Variants in SORCS2 observed in about 807,000 individuals in gnomAD.
The protein encoded by SORCS2 is sortilin related VPS10 domain containing receptor 2, also known as VPS10 domain-containing receptor SorCS2.
In SORCS2, 100 loss-of-function variants were observed where a neutral mutation model predicts 141.6. The observed-to-expected ratio is 0.71, with a 90% CI of 0.60 to 0.83. The LOEUF is 0.83. Among genes scored for constraint, SORCS2 ranks in the 40% least tolerant of loss-of-function variants. SORCS2 has a pLI of 0.00. For missense variants in SORCS2, 1,646 were observed against 1,560.2 expected, an observed-to-expected ratio of 1.05 and a Z score of -0.93; for synonymous variants, 789 against 676.9, an observed-to-expected ratio of 1.17 and a Z score of -2.57.
chr4:7,435,395 G>A (rs1727233203), intron 2 of SORCS2, among the ~76,000 whole-genome samples: 1 of 152,206 alleles, frequency 6.6e-6, no homozygotes, highest in Non-Finnish European at 1.5e-5. Context: ...CCACCCCCTG[G>A]ATGCCACTGT....
chr4:7,393,680 CG>C (rs985909460), intron 1 of SORCS2, among the ~76,000 whole-genome samples: 2 of 151,982 alleles, frequency 1.3e-5, no homozygotes, highest in Admixed American at 6.5e-5. Context: ...TGGGGCATTG[CG>C]GGGGTTGCTG....
chr4:7,227,246 T>C (rs1729043651), intron 1 of SORCS2, among the ~76,000 whole-genome samples: 1 of 152,190 alleles, frequency 6.6e-6, no homozygotes, highest in Admixed American at 6.5e-5. Flanking sequence ...GGCTCCAGCC[T>C]GGCTCCACAC....
At chr4:7,430,200 G>A (rs1726735592) in intron 2 of SORCS2, 1 of 151,882 alleles carries the variant, frequency 6.6e-6, no homozygotes, top group African/African-American at 2.4e-5. Flanking sequence ...GAAGGTGGCT[G>A]TCCCCACGGA....
chr4:7,619,395 C>G (rs1718994912), intron 3 of SORCS2, among the ~76,000 whole-genome samples: 1 of 152,172 alleles, frequency 6.6e-6, no homozygotes, highest in South Asian at 2.1e-4. Context: ...TTCTGGAAGT[C>G]TGGGAGCGTG....
chr4:7,561,597 T>TACCC (rs1560387457), intron 3 of SORCS2, among the ~76,000 whole-genome samples: 4 of 142,168 alleles, frequency 2.8e-5, no homozygotes, highest in African/African-American at 1.1e-4. Flanking sequence ...TTCATCCATC[T>TACCC]ATCCATCTAT....
intron 1 of SORCS2, among the ~76,000 whole-genome samples, chr4:7,228,581 A>T (rs1003862172): frequency 6.6e-6 from 1 of 152,240 alleles, no homozygotes; most frequent in Admixed American, 6.5e-5. Flanking sequence ...TGCAGAGGAC[A>T]TGGACTTGGC....
rs1712697350 is a variant in SORCS2, at chr4:7,741,753, G to C, written c.*1489G>C. Reference sequence around the variant, plus strand: ...GGCTGGTGACATGCTGGCTGGGGGTGAATCCGAATGACAGTGCAGACGTTC... The same window carrying C: ...GGCTGGTGACATGCTGGCTGGGGGTCAATCCGAATGACAGTGCAGACGTTC... On this transcript the variant is annotated 3_prime_UTR_variant, in exon 27 of 27. Transcript: ENST00000507866. 1 of 154,892 alleles carries C rather than the reference G, an allele frequency of 6.5e-6. No homozygotes were observed. Among genetic ancestry groups the C allele is most frequent in the African/African-American group, 2.4e-5 (1 of 41,550 alleles). The allele number at this position is 154,892 out of a possible 1,614,324, so 9.6% of individuals were successfully genotyped here. A position where few individuals can be genotyped will look rare whatever the true frequency, so the allele number is the denominator to read the frequency against.
At chr4:7,255,196 G>C (rs1034805306) in intron 1 of SORCS2, among the ~76,000 whole-genome samples, 7 of 152,126 alleles carry the variant, frequency 4.6e-5, no homozygotes, top group African/African-American at 1.7e-4. Flanking sequence ...GGAGGTGACA[G>C]TCCCATGCAG....
In SORCS2 at chr4:7,480,451, A is replaced by G. The variant is rs538536766; in HGVS notation, c.549-51079A>G. ...AAATACAGCCCGGGGGGTTGGAGGA[A>G]CCTGACCCACTGCAGGTGGGAGACC... is the stretch of plus-strand genomic sequence containing the variant. On this transcript the variant is annotated intron_variant, in intron 2 of 26. Coordinates refer to ENST00000507866, the MANE Select transcript of SORCS2 (RefSeq NM_020777.3). Among the ~76,000 whole-genome samples the G allele has an allele frequency of 2.0e-4, 31 of 152,288 alleles. 1 individual carries two copies. In the South Asian group the frequency reaches 5.4e-3, roughly 26 times the overall value.
intron 3 of SORCS2, among the ~76,000 whole-genome samples, chr4:7,569,292 C>A (rs941065694): frequency 2.6e-5 from 4 of 152,166 alleles, no homozygotes; most frequent in African/African-American, 9.7e-5. Flanking sequence ...GTGGGCAGAT[C>A]ACAAGGTCAG....
chr4:7,554,742 G>A (rs975776330), intron 3 of SORCS2, among the ~76,000 whole-genome samples: 4 of 152,198 alleles, frequency 2.6e-5, no homozygotes, highest in Non-Finnish European at 4.4e-5. Context: ...GAGCCCCGAG[G>A]AAGAACATCC....
chr4:7,335,471 C>G (rs1719923828), intron 1 of SORCS2, among the ~76,000 whole-genome samples: 1 of 152,206 alleles, frequency 6.6e-6, no homozygotes, highest in African/African-American at 2.4e-5. Flanking sequence ...CGCTGCCTTC[C>G]CAGGACGCCT....
chr4:7,588,177 G>A (rs80043807), intron 3 of SORCS2, among the ~76,000 whole-genome samples: 57 of 152,286 alleles, frequency 3.7e-4, no homozygotes, highest in African/African-American at 1.3e-3. Context: ...TTCTGCGGTC[G>A]GCAAATCCTT....
intron 2 of SORCS2, among the ~76,000 whole-genome samples, chr4:7,480,436 CGGG>C (rs36025445): frequency 6.6e-6 from 1 of 152,104 alleles, no homozygotes; most frequent in Admixed American, 6.5e-5. Context: ...AAATACAGCC[CGGG>C]GGGTTGGAGG....
chr4:7,418,482 G>A (rs1035335131), intron 2 of SORCS2, among the ~76,000 whole-genome samples: 6 of 152,164 alleles, frequency 3.9e-5, no homozygotes, highest in Non-Finnish European at 8.8e-5. Context: ...ACTGACAATG[G>A]ATGGGACATT....
chr4:7,500,402 C>G (rs750136), intron 2 of SORCS2, among the ~76,000 whole-genome samples: 79,333 of 151,930 alleles, frequency 0.52, 23,505 homozygotes, highest in East Asian at 0.93. Flanking sequence ...GCAAACAGGC[C>G]CTGGAATGGG....
At chr4:7,715,005 C>A (rs981536752) in intron 16 of SORCS2, among the ~76,000 whole-genome samples, 178 bp from the exon 17 acceptor site, 3 of 152,170 alleles carry the variant, frequency 2.0e-5, no homozygotes, top group South Asian at 4.1e-4. Flanking sequence ...TCCCTTGTTA[C>A]CCTGTGTGCC....
At chr4:7,528,641 G>A (rs780379319) in intron 2 of SORCS2, among the ~76,000 whole-genome samples, 1 of 152,220 alleles carries the variant, frequency 6.6e-6, no homozygotes, top group Non-Finnish European at 1.5e-5. Context: ...GGCCAGTCTG[G>A]TCTGAAACTC....
At chr4:7,730,276 G>T (rs1307689609) in intron 23 of SORCS2, among the ~76,000 whole-genome samples, 2 of 152,180 alleles carry the variant, frequency 1.3e-5, no homozygotes. Flanking sequence ...ACAATTCCAA[G>T]TGTTGCCAAG....
Sources: allele counts gnomAD v4.1 joint callset (sites outside exome capture counted in the v4.1 genomes callset), GRCh38; gene constraint gnomAD v4.1.1; transcripts MANE v1.5; gene names NCBI Gene and HGNC (gene_info 2026-07-23, HGNC 2026-07-21).